The following CADPS variants were observed in gnomAD, a reference collection of about 807,000 sequenced individuals.
CADPS encodes calcium dependent secretion activator, also known as calcium-dependent secretion activator 1.
Under a neutral mutation model 167.3 loss-of-function variants are expected in CADPS, and 57 were observed. The ratio of observed to expected loss-of-function variants is 0.34; its 90% confidence interval spans 0.28 to 0.42. CADPS has a LOEUF of 0.42. CADPS is among the 20% of genes least tolerant of loss of function. The pLI is 1.00. For synonymous variants in CADPS, 676 were observed against 635.3 expected, an observed-to-expected ratio of 1.06 and a Z score of -0.96; for missense variants, 1,414 against 1,738.1, an observed-to-expected ratio of 0.81 and a Z score of 3.32.
At chr3:62,727,958 G>T (rs376644733) in intron 3 of CADPS, among the ~76,000 whole-genome samples, 11 of 151,918 alleles carry the variant, frequency 7.2e-5, no homozygotes, top group African/African-American at 2.7e-4. Flanking sequence ...GGTTCTACTT[G>T]TGTTTGCTTA....
At chr3:62,794,755 T>C (rs1239411247) in intron 1 of CADPS, among the ~76,000 whole-genome samples, 1 of 137,818 alleles carries the variant, frequency 7.3e-6, no homozygotes, top group Non-Finnish European at 1.5e-5. Flanking sequence ...GTTGTTCATG[T>C]TTACAAGACA....
intron 29 of CADPS, among the ~76,000 whole-genome samples, chr3:62,402,173 G>T (rs368542575): frequency 7.6e-6 from 1 of 132,296 alleles, no homozygotes; most frequent in Non-Finnish European, 1.5e-5. Context: ...GCAGTTGGTT[G>T]TAAGTCAGCA....
Position 62,498,948 on chromosome 3 carries a change from A to C in CADPS, c.2706+214T>G, listed in dbSNP as rs544975644. ...TGTTCATCGCTAGAAACATCTGAAAACTTAGGCCGAAACATACAACATGCA... is the reference window on the plus strand; with the variant it reads ...TGTTCATCGCTAGAAACATCTGAAACCTTAGGCCGAAACATACAACATGCA... On this transcript the variant is annotated intron_variant, in intron 18 of 29. Coordinates refer to ENST00000383710, the MANE Select transcript of CADPS (RefSeq NM_003716.4). Among the ~76,000 whole-genome samples, 8 of 152,324 alleles carry C rather than the reference A, an allele frequency of 5.3e-5. No homozygotes were observed. In the East Asian group the frequency reaches 1.5e-3, roughly 29 times the overall value.
intron 6 of CADPS, among the ~76,000 whole-genome samples, chr3:62,629,200 C>T (rs1482520189): frequency 6.6e-6 from 1 of 152,074 alleles, no homozygotes; most frequent in Non-Finnish European, 1.5e-5. Flanking sequence ...AAATTTATAG[C>T]ATTGTGCCAC....
intron 1 of CADPS, among the ~76,000 whole-genome samples, chr3:62,793,392 A>G (rs1292084472): frequency 6.6e-6 from 1 of 152,216 alleles, no homozygotes; most frequent in Non-Finnish European, 1.5e-5. Flanking sequence ...TTATCCATGA[A>G]TTGAATTAAA....
intron 3 of CADPS, among the ~76,000 whole-genome samples, chr3:62,746,509 T>A (rs776053321): frequency 3.3e-5 from 5 of 152,128 alleles, no homozygotes; most frequent in African/African-American, 4.8e-5. Flanking sequence ...GCTAATTTTT[T>A]AAATGTTTTG....
intron 18 of CADPS, among the ~76,000 whole-genome samples, chr3:62,497,983 T>G (rs778373883): frequency 1.3e-5 from 2 of 152,098 alleles, no homozygotes; most frequent in Non-Finnish European, 1.5e-5. Flanking sequence ...CCGTGGAGGG[T>G]CACCCATTCC....
intron 8 of CADPS, among the ~76,000 whole-genome samples, chr3:62,573,485 G>A (rs979031503): frequency 9.2e-5 from 14 of 152,168 alleles, no homozygotes; most frequent in Admixed American, 2.6e-4. Context: ...TAGCCTATAG[G>A]GACAAAGTCC....
At chr3:62,778,783 C>T (rs2090944672) in intron 1 of CADPS, among the ~76,000 whole-genome samples, 1 of 152,184 alleles carries the variant, frequency 6.6e-6, no homozygotes, top group South Asian at 2.1e-4. Context: ...GCTGAACGAA[C>T]TCAACTATGG....
At chr3:62,558,649 A>G (rs1025415524) in intron 9 of CADPS, among the ~76,000 whole-genome samples, 4 of 152,148 alleles carry the variant, frequency 2.6e-5, no homozygotes, top group East Asian at 1.9e-4. Flanking sequence ...CGAGTGCTAC[A>G]TGCATCTCCC....
At position 62,421,662 on chromosome 3, in the gene CADPS, C is replaced by A. The variant is rs1262285667; in HGVS notation, c.3777+16442G>T. Reference sequence around the variant, plus strand: ...TCCTGACGCTTCCCCCTTTTCCCCCCAAAGGAGGGGGAAGGGGGGACTTTG... The same window carrying A: ...TCCTGACGCTTCCCCCTTTTCCCCCAAAAGGAGGGGGAAGGGGGGACTTTG... On this transcript the variant is annotated intron_variant, in intron 28 of 29. Coordinates refer to ENST00000383710, the MANE Select transcript of CADPS (RefSeq NM_003716.4). This position sits in a 1 kb window ranked among gnomAD's most constrained non-coding sequence, Gnocchi z 4.7. Among the ~76,000 whole-genome samples the A allele has an allele frequency of 6.6e-6, 1 of 152,182 alleles. No individual in the cohort carries two copies. Among genetic ancestry groups the A allele is most frequent in the Non-Finnish European group, 1.5e-5 (1 of 68,032 alleles).
chr3:62,611,266 G>C (rs2061465358), intron 6 of CADPS, among the ~76,000 whole-genome samples: 1 of 152,096 alleles, frequency 6.6e-6, no homozygotes, highest in Non-Finnish European at 1.5e-5. Flanking sequence ...AGTCATCCAG[G>C]ACTCCGTTTT....
At chr3:62,535,593 C>T (rs1294327191) in intron 12 of CADPS, among the ~76,000 whole-genome samples, 2 of 151,916 alleles carry the variant, frequency 1.3e-5, no homozygotes, top group Non-Finnish European at 2.9e-5. Flanking sequence ...GAATTTTCCT[C>T]TATATAAAGA....
chr3:62,628,596 A>ACT (rs57090374), intron 6 of CADPS, among the ~76,000 whole-genome samples: 1,568 of 138,214 alleles, frequency 0.011, 22 homozygotes, highest in African/African-American at 0.038. Flanking sequence ...ACACACACAC[A>ACT]CTCTCTCTCT....
intron 1 of CADPS, among the ~76,000 whole-genome samples, chr3:62,821,411 A>G (rs1200434766): frequency 6.6e-6 from 1 of 152,174 alleles, no homozygotes; most frequent in Non-Finnish European, 1.5e-5. Context: ...ATCCAGACTC[A>G]AGGTCTTGGC....
intron 1 of CADPS, among the ~76,000 whole-genome samples, chr3:62,786,083 C>T (rs898753942): frequency 2.4e-4 from 37 of 152,000 alleles, no homozygotes; most frequent in African/African-American, 8.7e-4. Flanking sequence ...CATGGTGGTG[C>T]ATGCCTGTAT....
In CADPS at chr3:62,649,543, CTTTTTTTTTTTTTTTTT is replaced by C. The variant is rs369874258; in HGVS notation, c.1203+1287_1203+1303del. ...TCAAGGGAATCATACAATATGTGGT[CTTTTTTTTTTTTTTTTT>C]TTTTTTTTTTTTTTTTTAAAGACAG... is the stretch of plus-strand genomic sequence containing the variant. On this transcript the variant is annotated intron_variant, in intron 5 of 29. Coordinates refer to ENST00000383710, the MANE Select transcript of CADPS (RefSeq NM_003716.4). 1.5e-3 allele frequency among the ~76,000 whole-genome samples: 57 copies of C among 37,808 alleles called. No homozygotes were observed. The South Asian group carries it at 0.019, about 12-fold the overall frequency. The allele number at this position is 37,808 out of a possible 152,430, so 24.8% of individuals were successfully genotyped here.
At chr3:62,854,827 A>C (rs1237419189) in intron 1 of CADPS, among the ~76,000 whole-genome samples, 1 of 152,174 alleles carries the variant, frequency 6.6e-6, no homozygotes. Context: ...AGTTTTCTAA[A>C]CTTTTTTAAA....
rs1442694955 is a variant in CADPS at position 62,406,118 on chromosome 3, G to A, written c.3778-2933C>T. Among the ~76,000 whole-genome samples the A allele has an allele frequency of 4.6e-5, 7 of 152,354 alleles. No homozygotes were observed. In the East Asian group the frequency reaches 1.3e-3, roughly 29 times the overall value. ...TTCCTCCTCCCTAAGGGATGGAGCA[G>A]TGTGTTTGCCGGTCATGACAGCCGA... On this transcript the variant is annotated intron_variant, in intron 28 of 29. Coordinates refer to ENST00000383710, the MANE Select transcript of CADPS (RefSeq NM_003716.4).
Sources: gnomAD v4.1 joint callset for allele counts (sites outside exome capture counted in the v4.1 genomes callset) on GRCh38, gnomAD v4.1.1 for gene constraint, Gnocchi (gnomAD v3.1) non-coding constraint, MANE v1.5 for transcripts, NCBI Gene and HGNC (gene_info 2026-07-23, HGNC 2026-07-21) for gene names.